The following LEPROTL1 variants were observed in gnomAD, a reference collection of about 807,000 sequenced individuals.
LEPROTL1 encodes leptin receptor overlapping transcript like 1, also known as leptin receptor overlapping transcript-like 1.
Under a neutral mutation model 15.4 loss-of-function variants are expected in LEPROTL1, and 6 were observed. That is an observed-to-expected ratio of 0.39 (90% confidence interval 0.21 to 0.77). The LOEUF (loss-of-function observed/expected upper bound fraction) is 0.77, where lower values mean the gene tolerates loss of function less well. Among genes scored for constraint, LEPROTL1 ranks in the 30% least tolerant of loss-of-function variants. The probability of loss-of-function intolerance (pLI) is 0.41; values close to 1 mark genes in which losing one functional copy is unlikely to be tolerated. For missense variants in LEPROTL1, 128 were observed against 158.1 expected (o/e 0.81, Z 1.02); for synonymous variants, 56 against 52.6 (o/e 1.06, Z -0.28).
chr8:30,097,800 A>G (rs149210726), intron 1 of LEPROTL1, among the ~76,000 whole-genome samples: 2 of 151,388 alleles, frequency 1.3e-5, no homozygotes, highest in Admixed American at 1.3e-4. Flanking sequence ...TTATTCCAGT[A>G]TTCATATTCA....
intron 3 of LEPROTL1, among the ~76,000 whole-genome samples, chr8:30,131,101 T>G (rs996783863): frequency 6.6e-6 from 1 of 150,550 alleles, no homozygotes; most frequent in Non-Finnish European, 1.5e-5. Context: ...GCCCAAAAAA[T>G]TTTTTTAGCA....
At chr8:30,132,700 T>C (rs953346982) in intron 4 of LEPROTL1, 3 of 1,551,724 alleles carry the variant, frequency 1.9e-6, no homozygotes, top group Non-Finnish European at 2.6e-6. Context: ...CTGAAATCGC[T>C]GGAAGGAGCA....
At chr8:30,114,830 T>C (rs1213245996) in intron 3 of LEPROTL1, among the ~76,000 whole-genome samples, 1 of 152,132 alleles carries the variant, frequency 6.6e-6, no homozygotes, top group Admixed American at 6.5e-5. Flanking sequence ...GTCCGTCTTT[T>C]AGCAGACTTG....
intron 3 of LEPROTL1, among the ~76,000 whole-genome samples, chr8:30,119,753 GT>G (rs1004003574): frequency 6.6e-6 from 1 of 152,116 alleles, no homozygotes; most frequent in Non-Finnish European, 1.5e-5. Flanking sequence ...AATATGGAGA[GT>G]TTTTTCGTGA....
At chr8:30,100,440 A>G (rs988961588) in intron 1 of LEPROTL1, among the ~76,000 whole-genome samples, 5 of 152,152 alleles carry the variant, frequency 3.3e-5, no homozygotes, top group Non-Finnish European at 7.4e-5. Context: ...AAATAAATTT[A>G]TCATTTACTT....
intron 3 of LEPROTL1, among the ~76,000 whole-genome samples, chr8:30,128,686 A>G (rs978738583): frequency 6.6e-6 from 1 of 151,414 alleles, no homozygotes; most frequent in Non-Finnish European, 1.5e-5. Context: ...CAGGAGGCAG[A>G]GGTTGCAGTG....
At chr8:30,114,583 G>A (rs1046718978) in intron 3 of LEPROTL1, among the ~76,000 whole-genome samples, 6 of 152,074 alleles carry the variant, frequency 3.9e-5, no homozygotes, top group South Asian at 2.1e-4. Flanking sequence ...GAGCCACTGC[G>A]CCCAGCTTAC....
intron 1 of LEPROTL1, 112 bp downstream of exon 1, chr8:30,095,640 C>A: frequency 2.1e-6 from 2 of 951,616 alleles, no homozygotes; most frequent in Non-Finnish European, 2.8e-6. Flanking sequence ...CGCGTGGGGT[C>A]CCTGCGCCGG....
intron 4 of LEPROTL1, among the ~76,000 whole-genome samples, chr8:30,133,633 T>C (rs1803074172): frequency 6.6e-6 from 1 of 151,424 alleles, no homozygotes; most frequent in African/African-American, 2.4e-5. Context: ...TTGAAAGTTG[T>C]GGGAATAAAA....
intron 3 of LEPROTL1, chr8:30,117,753 A>G (rs753662645): frequency 2.1e-6 from 2 of 938,416 alleles, no homozygotes; most frequent in Admixed American, 1.7e-5. Flanking sequence ...TCTTGAGAGC[A>G]TCAGCCAGGA....
At chr8:30,133,215 C>T (rs547241529) in intron 4 of LEPROTL1, among the ~76,000 whole-genome samples, 3 of 152,230 alleles carry the variant, frequency 2.0e-5, no homozygotes, top group African/African-American at 7.2e-5. Context: ...CCGCCCCTGG[C>T]AATATTTATA....
At chr8:30,132,544 T>C (rs1226417323) in intron 4 of LEPROTL1, 11 of 1,551,754 alleles carry the variant, frequency 7.1e-6, no homozygotes, top group Non-Finnish European at 9.6e-6. Context: ...CTCGAATTGC[T>C]GGCAATCAGT....
At chr8:30,129,966 A>C (rs929601457) in intron 3 of LEPROTL1, among the ~76,000 whole-genome samples, 5 of 152,026 alleles carry the variant, frequency 3.3e-5, no homozygotes, top group Non-Finnish European at 5.9e-5. Context: ...AAACAACCAG[A>C]TCATGTGAAA....
intron 1 of LEPROTL1, among the ~76,000 whole-genome samples, chr8:30,100,233 G>T (rs1802442836): frequency 6.6e-6 from 1 of 152,146 alleles, no homozygotes; most frequent in African/African-American, 2.4e-5. Flanking sequence ...GAGTATATCA[G>T]TAGTACTTGG....
downstream of LEPROTL1, chr8:30,137,856 G>C: frequency 3.7e-6 from 1 of 268,166 alleles, no homozygotes. Context: ...GAGTCATGCA[G>C]CTGGAGATGA....
chr8:30,112,525 G>T (rs1462535810), downstream of LEPROTL1, among the ~76,000 whole-genome samples: 1 of 145,714 alleles, frequency 6.9e-6, no homozygotes, highest in Non-Finnish European at 1.5e-5. Context: ...CTCCCAGAGT[G>T]CTGGGATTAC....
chr8:30,106,040 T>G lies in LEPROTL1; in HGVS notation c.*178T>G, dbSNP rs1802560419. 8.6e-7 allele frequency: 1 copy of G among 1,163,582 alleles called. No individual in the cohort carries two copies. The highest frequency in any genetic ancestry group is 4.2e-5 in the East Asian group (1 of 24,028). The allele number at this position is 1,163,582 out of a possible 1,614,324, so 72.1% of individuals were successfully genotyped here. On this transcript the variant is annotated 3_prime_UTR_variant, in exon 4 of 4. Coordinates refer to ENST00000321250, the MANE Select transcript of LEPROTL1 (RefSeq NM_015344.3). The stretch of plus-strand genomic sequence containing the variant: ...TTTTCACAGAGACTTGCTGAAGGAT[T>G]AAAAGGATTTTCTCTTTTGGAAAAG...
intron 1 of LEPROTL1, chr8:30,096,091 C>CA (rs1802360334): frequency 5.9e-6 from 1 of 170,266 alleles, no homozygotes; most frequent in East Asian, 1.9e-4. Flanking sequence ...TCTGCGGTGT[C>CA]TGGACCCTAG....
chr8:30,116,824 T>G (rs2117506741), intron 3 of LEPROTL1, among the ~76,000 whole-genome samples: 1 of 152,312 alleles, frequency 6.6e-6, no homozygotes, highest in East Asian at 1.9e-4. Flanking sequence ...CAGACAGACA[T>G]CGTGGGTTCT....
Sources: gnomAD v4.1 joint callset for allele counts (sites outside exome capture counted in the v4.1 genomes callset) on GRCh38, gnomAD v4.1.1 for gene constraint, MANE v1.5 for transcripts, NCBI Gene and HGNC (gene_info 2026-07-23, HGNC 2026-07-21) for gene names.